The following IQGAP2 variants were observed in gnomAD, a reference collection of about 807,000 sequenced individuals.
IQGAP2 encodes the protein ras GTPase-activating-like protein IQGAP2.
Under a neutral mutation model 201.3 loss-of-function variants are expected in IQGAP2, and 173 were observed. That is an observed-to-expected ratio of 0.86 (90% CI 0.76 to 0.98). The LOEUF is 0.98. IQGAP2 is among the 50% of genes least tolerant of loss of function. The pLI is 0.00. For synonymous variants in IQGAP2, 675 were observed against 673.9 expected, an observed-to-expected ratio of 1.00 and a Z score of -0.03; for missense variants, 1,687 against 1,864.8, an observed-to-expected ratio of 0.90 and a Z score of 1.76.
intron 5 of IQGAP2, among the ~76,000 whole-genome samples, chr5:76,577,967 G>A (rs187646257): frequency 6.6e-6 from 1 of 152,154 alleles, no homozygotes; most frequent in Non-Finnish European, 1.5e-5. Flanking sequence ...CTTGCCAGGC[G>A]CTGCCTTCTT....
In IQGAP2 at chr5:76,496,779, T is replaced by TTCTTTC. The variant is rs1757003812; in HGVS notation, c.146+35112_146+35117dup. Among the ~76,000 whole-genome samples the TTCTTTC allele has an allele frequency of 4.1e-4, 40 of 97,574 alleles. 1 individual carries two copies. Among genetic ancestry groups the TTCTTTC allele is most frequent in the African/African-American group, 1.9e-3 (36 of 18,904 alleles). 64.0% of individuals were successfully genotyped at this position (97,574 alleles called of 152,430 possible). Reference sequence around the variant, plus strand: ...TTTCTTTCTTTCTTTCTTTCTTTCTTTCTTTCTTTCTTTCTCTTTCTTTCT... The same window carrying TTCTTTC: ...TTTCTTTCTTTCTTTCTTTCTTTCTTTCTTTCTCTTTCTTTCTTTCTCTTTCTTTCT... On this transcript the variant is annotated intron_variant, in intron 2 of 35. Transcript: ENST00000274364.
Position 76,701,126 on chromosome 5 carries a change from C to T in IQGAP2, c.4418C>T (p.Ala1473Val), listed in dbSNP as rs745748799. The T allele has an allele frequency of 3.0e-5, 49 of 1,613,786 alleles. No homozygotes were observed. In the East Asian group the frequency reaches 6.5e-4, roughly 21 times the overall value. Residue 1473 changes from alanine (A) to valine (V), a missense_variant, in exon 34 of 36, where the codon GCG becomes GTG. Coordinates refer to ENST00000274364, the MANE Select transcript of IQGAP2 (RefSeq NM_006633.5). ...KLDGKGEPKGAKRAKPVKYTA... is the reference protein window; with the variant it reads ...KLDGKGEPKGVKRAKPVKYTA... Reference sequence around the variant, plus strand: ...GATGGAAAAGGAGAACCCAAAGGGGCGAAGAGAGCGAAGCCAGTGAAGTAC... The same window carrying T: ...GATGGAAAAGGAGAACCCAAAGGGGTGAAGAGAGCGAAGCCAGTGAAGTAC...
rs4704340 is a variant in IQGAP2 at position 76,589,505 on chromosome 5, A to G, written c.527-110A>G. 45,975 of 587,640 alleles carry G rather than the reference A, an allele frequency of 0.078. 4,585 individuals carry two copies. Among genetic ancestry groups the G allele is most frequent in the East Asian group, 0.43 (13,707 of 31,590 alleles). 36.4% of individuals were successfully genotyped at this position (587,640 alleles called of 1,614,324 possible). On this transcript the variant is annotated intron_variant, in intron 6 of 35. Coordinates refer to ENST00000274364, the MANE Select transcript of IQGAP2 (RefSeq NM_006633.5). ...TTCCTAAGGCTCTTGTTTACAAACA[A>G]CCCCACTTCCTGATGAAGACATTTC...
At chr5:76,503,543 G>A (rs184178028) in intron 2 of IQGAP2, among the ~76,000 whole-genome samples, 1 of 151,488 alleles carries the variant, frequency 6.6e-6, no homozygotes, top group Admixed American at 6.6e-5. Flanking sequence ...ATACCTTCCT[G>A]TGTTTGTGGA....
intron 2 of IQGAP2, among the ~76,000 whole-genome samples, chr5:76,494,343 G>A (rs778461430): frequency 3.9e-5 from 6 of 152,136 alleles, no homozygotes; most frequent in African/African-American, 9.7e-5. Flanking sequence ...TATTAGAAAC[G>A]ATTTGTAATC....
At chr5:76,464,327 G>C (rs1227301221) in intron 2 of IQGAP2, among the ~76,000 whole-genome samples, 1 of 152,124 alleles carries the variant, frequency 6.6e-6, no homozygotes, top group African/African-American at 2.4e-5. Flanking sequence ...AAAGATGAGA[G>C]GATTTATTGC....
rs558274516 is a variant in IQGAP2, at chr5:76,678,265, C to T, written c.3660+915C>T. On this transcript the variant is annotated intron_variant, in intron 28 of 35. Transcript: ENST00000274364. ...TTTCTCGGAAGCAGGCAGTTTTTCA[C>T]ATCATGTGCTGTGTTATGACATCTA... is the stretch of plus-strand genomic sequence containing the variant. Among the ~76,000 whole-genome samples the T allele has an allele frequency of 9.8e-5, 15 of 152,298 alleles. No homozygotes were observed. The South Asian group carries it at 2.5e-3, about 25-fold the overall frequency.
At chr5:76,550,510 G>A (rs571208469) in intron 2 of IQGAP2, among the ~76,000 whole-genome samples, 6 of 152,228 alleles carry the variant, frequency 3.9e-5, no homozygotes, top group African/African-American at 1.4e-4. Flanking sequence ...GCCTTCCGCA[G>A]TGTTTGTGTC....
chr5:76,467,991 G>A, intron 2 of IQGAP2, among the ~76,000 whole-genome samples: 1 of 152,128 alleles, frequency 6.6e-6, no homozygotes, highest in East Asian at 1.9e-4. Context: ...CTGGGTATGG[G>A]ATTTCTTTTT....
intron 30 of IQGAP2, among the ~76,000 whole-genome samples, chr5:76,690,416 C>G (rs1746161243): frequency 6.6e-6 from 1 of 152,152 alleles, no homozygotes; most frequent in Admixed American, 6.5e-5. Context: ...TCCTGCAGCT[C>G]TAGTCTCTTA....
intron 23 of IQGAP2, among the ~76,000 whole-genome samples, chr5:76,670,364 A>G (rs1744198239): frequency 6.6e-6 from 1 of 152,078 alleles, no homozygotes; most frequent in Non-Finnish European, 1.5e-5. Context: ...CAAAAACAAA[A>G]TTAGCCAGAC....
intron 32 of IQGAP2, among the ~76,000 whole-genome samples, 169 bp downstream of exon 32, chr5:76,695,835 CT>C (rs56984768): frequency 8.3e-4 from 69 of 83,104 alleles, no homozygotes; most frequent in East Asian, 1.7e-3. Context: ...CAGTTGATGA[CT>C]TTTTTTTTTT....
At chr5:76,685,689 T>TC (rs1426485960) in intron 30 of IQGAP2, among the ~76,000 whole-genome samples, 1 of 124,952 alleles carries the variant, frequency 8.0e-6, no homozygotes, top group African/African-American at 3.0e-5. Context: ...TGTGTGGCTC[T>TC]CCCCCGTCCC....
rs946851213 is a variant in IQGAP2, at chr5:76,468,406, A to G, written c.146+6737A>G. Among the ~76,000 whole-genome samples the G allele has an allele frequency of 2.0e-5, 3 of 152,198 alleles. No individual in the cohort carries two copies. In the South Asian group the frequency reaches 6.2e-4, roughly 31 times the overall value. ...GGTTGAACTTTTTACTCAAGAGTTT[A>G]AAGTTATTTTCCTTCATTTATGTTT... On this transcript the variant is annotated intron_variant, in intron 2 of 35. Coordinates refer to ENST00000274364, the MANE Select transcript of IQGAP2 (RefSeq NM_006633.5).
At chr5:76,649,388 C>T (rs1752334779) in intron 17 of IQGAP2, among the ~76,000 whole-genome samples, 1 of 152,162 alleles carries the variant, frequency 6.6e-6, no homozygotes, top group African/African-American at 2.4e-5. Flanking sequence ...ACTAAGAGCA[C>T]TTGTTACCAG....
At chr5:76,635,884 G>A (rs1751089177) in intron 15 of IQGAP2, among the ~76,000 whole-genome samples, 1 of 152,092 alleles carries the variant, frequency 6.6e-6, no homozygotes, top group African/African-American at 2.4e-5. Context: ...GGGAGGGAAA[G>A]GAAGGAAGAA....
intron 15 of IQGAP2, among the ~76,000 whole-genome samples, chr5:76,636,473 GAACC>G (rs1318786967): frequency 6.6e-6 from 1 of 152,120 alleles, no homozygotes; most frequent in Non-Finnish European, 1.5e-5. Flanking sequence ...TGAGTCAGAG[GAACC>G]AGGAATTTTC....
intron 9 of IQGAP2, among the ~76,000 whole-genome samples, chr5:76,594,897 T>C (rs371684894): frequency 6.9e-4 from 105 of 151,240 alleles, no homozygotes; most frequent in African/African-American, 2.5e-3. Flanking sequence ...ATGTGGGAGG[T>C]GGAGGATGCA....
At chr5:76,490,534 G>C (rs1228763361) in intron 2 of IQGAP2, among the ~76,000 whole-genome samples, 1 of 152,196 alleles carries the variant, frequency 6.6e-6, no homozygotes, top group Non-Finnish European at 1.5e-5. Context: ...GGACTTAGGA[G>C]CAGTGCAGTG....
Sources: gnomAD v4.1 joint callset for allele counts (sites outside exome capture counted in the v4.1 genomes callset) on GRCh38, gnomAD v4.1.1 for gene constraint, MANE v1.5 for transcripts, NCBI Gene and HGNC (gene_info 2026-07-23, HGNC 2026-07-21) for gene names.